TNPO3: variants seen among roughly 807,000 people sequenced by gnomAD.
TNPO3 encodes transportin 3, also known as transportin-3.
In TNPO3, 65 loss-of-function variants were observed where a neutral mutation model predicts 122.8. The ratio of observed to expected loss-of-function variants is 0.53; its 90% CI spans 0.43 to 0.65. TNPO3 has a LOEUF of 0.65. Among genes scored for constraint, TNPO3 ranks in the 30% least tolerant of loss-of-function variants. TNPO3 has a pLI of 0.00. For missense variants in TNPO3, 850 were observed against 1,136.7 expected (o/e 0.75, Z 3.63); for synonymous variants, 372 against 411.2 (o/e 0.90, Z 1.15).
chr7:129,054,095 T>C (rs1409917531), intron 1 of TNPO3, among the ~76,000 whole-genome samples: 2 of 152,214 alleles, frequency 1.3e-5, no homozygotes, highest in African/African-American at 2.4e-5. Flanking sequence ...TTTTTCTTCA[T>C]ATTATGTTGC....
At chr7:129,050,875 G>T (rs1431759361) in intron 1 of TNPO3, among the ~76,000 whole-genome samples, 1 of 152,142 alleles carries the variant, frequency 6.6e-6, no homozygotes, top group Non-Finnish European at 1.5e-5. Flanking sequence ...AGTAACCCAA[G>T]AAAACATCAT....
intron 21 of TNPO3, among the ~76,000 whole-genome samples, chr7:128,964,740 T>C (rs1157603326): frequency 6.6e-6 from 1 of 152,050 alleles, no homozygotes; most frequent in African/African-American, 2.4e-5. Flanking sequence ...CATAAAGAAA[T>C]ACATCATAGA....
At chr7:129,013,091 T>C (rs1563102882) in intron 4 of TNPO3, among the ~76,000 whole-genome samples, 1 of 152,212 alleles carries the variant, frequency 6.6e-6, no homozygotes, top group Non-Finnish European at 1.5e-5. Flanking sequence ...TCAGTTCATC[T>C]TTAAGAGACA....
chr7:128,991,852 T>C, intron 10 of TNPO3, 147 bp downstream of exon 10: 1 of 435,804 alleles, frequency 2.3e-6, no homozygotes. Context: ...TGGACTAGAC[T>C]CTAGAAGTCA....
At chr7:128,964,176 C>T (rs1200635869) in intron 21 of TNPO3, among the ~76,000 whole-genome samples, 2 of 151,942 alleles carry the variant, frequency 1.3e-5, no homozygotes, top group Admixed American at 6.6e-5. Flanking sequence ...CTGTATTTGT[C>T]GATTTGGAGA....
intron 1 of TNPO3, among the ~76,000 whole-genome samples, chr7:129,028,609 GC>G (rs1475839336): frequency 6.6e-6 from 1 of 152,220 alleles, no homozygotes; most frequent in African/African-American, 2.4e-5. Flanking sequence ...CCGCCCCTCT[GC>G]CAACAGCTCC....
intron 9 of TNPO3, among the ~76,000 whole-genome samples, chr7:128,993,148 T>A (rs1230357391): frequency 7.0e-6 from 1 of 142,878 alleles, no homozygotes; most frequent in Non-Finnish European, 1.5e-5. Context: ...AAAAAAAAAA[T>A]TAGGTTAGTT....
At chr7:129,017,869 C>T in intron 2 of TNPO3, 88 bp downstream of exon 2, 2 of 1,334,708 alleles carry the variant, frequency 1.5e-6, no homozygotes, top group East Asian at 2.4e-5. Flanking sequence ...TTAACATTAC[C>T]TCACATGGCC....
chr7:129,030,281 T>C, intron 1 of TNPO3: 1 of 253,898 alleles, frequency 3.9e-6, no homozygotes, highest in Non-Finnish European at 7.9e-6. Context: ...AAAATATATG[T>C]AGGTAATTGG....
intron 1 of TNPO3, among the ~76,000 whole-genome samples, chr7:129,050,082 A>T (rs888895827): frequency 2.6e-5 from 4 of 151,662 alleles, no homozygotes; most frequent in African/African-American, 7.3e-5. Context: ...TTCTTTTTTT[A>T]AAAAGGGTGA....
intron 4 of TNPO3, among the ~76,000 whole-genome samples, chr7:129,012,393 T>C (rs1434510565): frequency 2.0e-5 from 3 of 152,148 alleles, no homozygotes; most frequent in Admixed American, 6.5e-5. Flanking sequence ...GAACTTGCTA[T>C]ACTGAAACAC....
At position 129,017,939 on chromosome 7, in the gene TNPO3, G is replaced by A; in HGVS notation, c.321+18C>T. ...AAATGGCCATACAAATTTCTCTAAT[G>A]AGAAGCACAGGATTTACCTGCGTTA... On this transcript the variant is annotated intron_variant, in intron 2 of 22. Coordinates refer to ENST00000265388, the MANE Select transcript of TNPO3 (RefSeq NM_012470.4). 6.2e-7 allele frequency: 1 copy of A among 1,612,950 alleles called. No individual in the cohort carries two copies. Among genetic ancestry groups the A allele is most frequent in the Non-Finnish European group, 8.5e-7 (1 of 1,179,040 alleles).
At chr7:128,995,704 AT>A (rs935756593) in intron 8 of TNPO3, among the ~76,000 whole-genome samples, 1 of 40,686 alleles carries the variant, frequency 2.5e-5, no homozygotes, top group African/African-American at 9.8e-5. Flanking sequence ...TCTTCACTTT[AT>A]TTTATTTTTT....
chr7:129,041,509 T>C, intron 1 of TNPO3: 1 of 976,154 alleles, frequency 1.0e-6, no homozygotes, highest in Non-Finnish European at 1.2e-6. Context: ...AGGAAGAGAA[T>C]CAAGGAAGGA....
At chr7:129,036,293 G>A (rs551327490) in intron 1 of TNPO3, among the ~76,000 whole-genome samples, 5 of 152,050 alleles carry the variant, frequency 3.3e-5, no homozygotes, top group African/African-American at 9.6e-5. Context: ...TGACATGGTT[G>A]CCCAGTCTGG....
chr7:129,044,459 C>A (rs1371123660), intron 1 of TNPO3, among the ~76,000 whole-genome samples: 1 of 152,110 alleles, frequency 6.6e-6, no homozygotes, highest in African/African-American at 2.4e-5. Flanking sequence ...TAACAGAAAA[C>A]CCACCAAAAG....
chr7:128,961,624 A>G (rs1001431996), intron 21 of TNPO3, among the ~76,000 whole-genome samples: 3 of 152,278 alleles, frequency 2.0e-5, no homozygotes, highest in African/African-American at 7.2e-5. Context: ...TTTAACTGCC[A>G]GTATTTTTTA....
At chr7:129,016,197 G>A (rs1436195085) in intron 3 of TNPO3, among the ~76,000 whole-genome samples, 1 of 152,164 alleles carries the variant, frequency 6.6e-6, no homozygotes, top group African/African-American at 2.4e-5. Context: ...GAGGTCAGGA[G>A]TTTGAGACCA....
chr7:128,956,541 G>A (rs1223008738), intron 22 of TNPO3, among the ~76,000 whole-genome samples: 3 of 152,168 alleles, frequency 2.0e-5, no homozygotes, highest in African/African-American at 7.2e-5. Flanking sequence ...CTTTTTGAAC[G>A]CTGATATGAC....
Sources: allele counts gnomAD v4.1 joint callset (sites outside exome capture counted in the v4.1 genomes callset), GRCh38; gene constraint gnomAD v4.1.1; transcripts MANE v1.5; gene names NCBI Gene and HGNC (gene_info 2026-07-23, HGNC 2026-07-21).